EIF4EBP1: variants seen among roughly 807,000 people sequenced by gnomAD.
EIF4EBP1 encodes eukaryotic translation initiation factor 4E binding protein 1.
Under a neutral mutation model 9.2 loss-of-function variants are expected in EIF4EBP1, and 5 were observed. The ratio of observed to expected loss-of-function variants is 0.54; its 90% CI spans 0.28 to 1.14. The LOEUF (loss-of-function observed/expected upper bound fraction) is 1.14, where lower values mean the gene tolerates loss of function less well. EIF4EBP1 is among the 50% of genes most tolerant of loss of function. The pLI is 0.09. For synonymous variants in EIF4EBP1, 62 were observed against 67.0 expected, an observed-to-expected ratio of 0.93 and a Z score of 0.36; for missense variants, 139 against 169.6, an observed-to-expected ratio of 0.82 and a Z score of 1.00.
chr8:38,051,359 G>A (rs988112894), intron 1 of EIF4EBP1, among the ~76,000 whole-genome samples: 1 of 152,154 alleles, frequency 6.6e-6, no homozygotes, highest in African/African-American at 2.4e-5. Flanking sequence ...CCTGCATCCA[G>A]GTTGGAGAAC....
chr8:38,035,709 A>G (rs1157633007), intron 1 of EIF4EBP1, among the ~76,000 whole-genome samples: 4 of 149,868 alleles, frequency 2.7e-5, no homozygotes, highest in Admixed American at 6.7e-5. Flanking sequence ...TTATTTATTT[A>G]TTTATTATTA....
At chr8:38,059,443 C>A (rs1809639518) in intron 2 of EIF4EBP1, among the ~76,000 whole-genome samples, 1 of 152,124 alleles carries the variant, frequency 6.6e-6, no homozygotes, top group Non-Finnish European at 1.5e-5. Context: ...GCCTGCAGAA[C>A]CGCGAGCCAG....
chr8:38,038,823 C>T (rs1435639025), intron 1 of EIF4EBP1, among the ~76,000 whole-genome samples: 2 of 152,010 alleles, frequency 1.3e-5, no homozygotes, highest in Non-Finnish European at 2.9e-5. Context: ...TTGTCCAACC[C>T]GAGACCCTCA....
At chr8:38,032,736 G>A (rs759288824) in intron 1 of EIF4EBP1, among the ~76,000 whole-genome samples, 3 of 152,204 alleles carry the variant, frequency 2.0e-5, no homozygotes, top group Non-Finnish European at 2.9e-5. Flanking sequence ...CTGTTTGGTC[G>A]TCCAGTGGAG....
intron 1 of EIF4EBP1, among the ~76,000 whole-genome samples, chr8:38,048,142 C>T (rs888302318): frequency 3.3e-5 from 5 of 152,002 alleles, no homozygotes; most frequent in Non-Finnish European, 7.4e-5. Context: ...TGTGGTGACA[C>T]TTGCCTGTAG....
intron 1 of EIF4EBP1, among the ~76,000 whole-genome samples, chr8:38,050,475 G>A (rs1448955348): frequency 6.6e-6 from 1 of 151,692 alleles, no homozygotes; most frequent in African/African-American, 2.4e-5. Flanking sequence ...TCTGCCTCCT[G>A]GGTAGCTGGA....
chr8:38,037,412 G>A (rs1809319255), intron 1 of EIF4EBP1, among the ~76,000 whole-genome samples: 1 of 152,076 alleles, frequency 6.6e-6, no homozygotes, highest in Non-Finnish European at 1.5e-5. Context: ...CACCTCCCTG[G>A]TTCAAGTGAC....
chr8:38,040,037 T>A (rs1809355851), intron 1 of EIF4EBP1, among the ~76,000 whole-genome samples: 1 of 152,036 alleles, frequency 6.6e-6, no homozygotes, highest in African/African-American at 2.4e-5. Context: ...CACAGGCACA[T>A]GCTACCACAC....
At position 38,060,092 on chromosome 8, in the gene EIF4EBP1, CCCT is replaced by C. The variant is rs1809653753; in HGVS notation, c.*162_*164del. ...TTCTCCCTCACTCAGGGCACCTGCCCCCTCCTCTTCGTGAACACCAGCAGATAC... is the reference window on the plus strand; with the variant it reads ...TTCTCCCTCACTCAGGGCACCTGCCCCCTCTTCGTGAACACCAGCAGATAC... On this transcript the variant is annotated 3_prime_UTR_variant, in exon 3 of 3. Transcript: ENST00000338825. 3 of 718,208 alleles carry C rather than the reference CCCT, an allele frequency of 4.2e-6. No individual in the cohort carries two copies. In the Admixed American group the frequency reaches 6.5e-5, roughly 15 times the overall value. 44.5% of individuals were successfully genotyped at this position (718,208 alleles called of 1,614,324 possible).
chr8:38,040,079 G>T (rs1249629468), intron 1 of EIF4EBP1, among the ~76,000 whole-genome samples: 1 of 151,696 alleles, frequency 6.6e-6, no homozygotes, highest in Non-Finnish European at 1.5e-5. Flanking sequence ...TAGAGATGAG[G>T]TCTATGTTGC....
At chr8:38,043,462 TC>T (rs1809410464) in intron 1 of EIF4EBP1, among the ~76,000 whole-genome samples, 2 of 151,496 alleles carry the variant, frequency 1.3e-5, no homozygotes, top group African/African-American at 4.9e-5. Flanking sequence ...CCTCCTGGAT[TC>T]AAGCGATTCT....
chr8:38,039,402 C>CTTT (rs56390718), intron 1 of EIF4EBP1, among the ~76,000 whole-genome samples: 8 of 89,006 alleles, frequency 9.0e-5, no homozygotes, highest in African/African-American at 2.1e-4. Flanking sequence ...GTACTAAATA[C>CTTT]TTTTTTTTTT....
intron 1 of EIF4EBP1, among the ~76,000 whole-genome samples, chr8:38,052,000 T>A (rs188740110): frequency 6.6e-6 from 1 of 152,344 alleles, no homozygotes; most frequent in African/African-American, 2.4e-5. Flanking sequence ...TGTTGGGATT[T>A]ACAGATGTGA....
At position 38,030,671 on chromosome 8, in the gene EIF4EBP1, A is replaced by T. The variant is rs1809203443; in HGVS notation, c.98A>T (p.Asp33Val). Reference protein sequence around the residue: ...LGDGVQLPPGDYSTTPGGTLF... With the variant: ...LGDGVQLPPGVYSTTPGGTLF... ...GACGGCGTGCAGCTCCCGCCCGGGGACTACAGCACGACCCCCGGCGGCACG... is the reference window on the plus strand; with the variant it reads ...GACGGCGTGCAGCTCCCGCCCGGGGTCTACAGCACGACCCCCGGCGGCACG... Residue 33 changes from aspartate (D) to valine (V), a missense_variant, in exon 1 of 3, where the codon GAC (aspartate) becomes GTC (valine). By Grantham distance (152) the Asp-to-Val change is radical. Coordinates refer to ENST00000338825, the MANE Select transcript of EIF4EBP1 (RefSeq NM_004095.4). 2 of 1,494,592 alleles carry T rather than the reference A, an allele frequency of 1.3e-6. No individual in the cohort carries two copies. Among genetic ancestry groups the T allele is most frequent in the East Asian group, 2.7e-5 (1 of 36,364 alleles). 92.6% of individuals were successfully genotyped at this position (1,494,592 alleles called of 1,614,324 possible).
intron 1 of EIF4EBP1, among the ~76,000 whole-genome samples, chr8:38,048,644 T>C (rs1404273288): frequency 3.9e-5 from 6 of 152,294 alleles, no homozygotes. Context: ...AGTCTTTCTA[T>C]AATTTTGGCA....
rs139192176 is a variant in EIF4EBP1, at chr8:38,057,172, G to A, written c.237G>A (p.Pro79=). ...CCCCAAGGGATCTGCCCACCATTCC[G>A]GGGGTCACCAGCCCTTCCAGTGATG... ...KTPPRDLPTI[P]GVTSPSSDEP... The change falls in exon 2 of 3, where the codon CCG becomes CCA. Residue 79 remains proline, a synonymous_variant. Coordinates refer to ENST00000338825, the MANE Select transcript of EIF4EBP1 (RefSeq NM_004095.4). 6.3e-5 allele frequency: 93 copies of A among 1,487,332 alleles called. No homozygotes were observed. The highest frequency in any genetic ancestry group is 2.5e-4 in the Admixed American group (13 of 51,194). 92.1% of individuals were successfully genotyped at this position (1,487,332 alleles called of 1,614,324 possible).
At chr8:38,053,377 G>T (rs1809551901) in intron 1 of EIF4EBP1, among the ~76,000 whole-genome samples, 1 of 152,116 alleles carries the variant, frequency 6.6e-6, no homozygotes, top group Non-Finnish European at 1.5e-5. Flanking sequence ...AGGCTGGAGG[G>T]CAGCGGCGCG....
At chr8:38,048,120 A>C (rs1048245169) in intron 1 of EIF4EBP1, among the ~76,000 whole-genome samples, 1 of 151,972 alleles carries the variant, frequency 6.6e-6, no homozygotes, top group African/African-American at 2.4e-5. Flanking sequence ...GTATATACAA[A>C]AATTAGCTGG....
At chr8:38,036,529 T>C (rs1039105299) in intron 1 of EIF4EBP1, among the ~76,000 whole-genome samples, 2 of 152,146 alleles carry the variant, frequency 1.3e-5, no homozygotes, top group Non-Finnish European at 2.9e-5. Flanking sequence ...AGTCCTTCAT[T>C]GCCAAATCTG....
Sources: allele counts gnomAD v4.1 joint callset (sites outside exome capture counted in the v4.1 genomes callset), GRCh38; gene constraint gnomAD v4.1.1; transcripts MANE v1.5; gene names NCBI Gene and HGNC (gene_info 2026-07-23, HGNC 2026-07-21).